Variants in PLEKHA5 observed in about 807,000 individuals in gnomAD.
PLEKHA5 encodes pleckstrin homology domain containing A5.
Under a neutral mutation model 181.9 loss-of-function variants are expected in PLEKHA5, and 55 were observed. The ratio of observed to expected loss-of-function variants is 0.30; its 90% CI spans 0.24 to 0.38. PLEKHA5 has a LOEUF of 0.38. Ranked by LOEUF, PLEKHA5 falls within the 10% of genes least tolerant of loss-of-function variation. PLEKHA5 has a pLI of 1.00. For synonymous variants in PLEKHA5, 535 were observed against 529.4 expected, an observed-to-expected ratio of 1.01 and a Z score of -0.15; for missense variants, 1,432 against 1,549.5, an observed-to-expected ratio of 0.92 and a Z score of 1.27.
chr12:19,316,071 A>G (rs563550757), intron 16 of PLEKHA5, among the ~76,000 whole-genome samples: 2 of 152,230 alleles, frequency 1.3e-5, no homozygotes, highest in South Asian at 4.1e-4. Flanking sequence ...CTCTATTCCA[A>G]AGTACCACAC....
intron 16 of PLEKHA5, 22 bp from the exon 17 acceptor site, chr12:19,319,999 C>A (rs2090200494): frequency 1.5e-6 from 2 of 1,351,100 alleles, no homozygotes; most frequent in South Asian, 1.3e-5. Context: ...TAAACCCATC[C>A]TTTTCCTTCA....
intron 15 of PLEKHA5, among the ~76,000 whole-genome samples, chr12:19,309,451 C>G (rs1157418174): frequency 6.6e-6 from 1 of 152,032 alleles, no homozygotes; most frequent in Non-Finnish European, 1.5e-5. Flanking sequence ...AATTGACCTT[C>G]ATATGCTTTT....
Position 19,348,775 on chromosome 12 carries a change from A to C in PLEKHA5, c.3019+256A>C, listed in dbSNP as rs1034346548. Among the ~76,000 whole-genome samples the C allele has an allele frequency of 3.9e-5, 6 of 152,110 alleles. No individual in the cohort carries two copies. In the East Asian group the frequency reaches 1.2e-3, roughly 29 times the overall value. ...TTTTAACACTATTTCTACAATATTC[A>C]TTCCAAGTGGCATAAATAAATGCTA... On this transcript the variant is annotated intron_variant, in intron 25 of 31. Coordinates refer to ENST00000429027, the MANE Select transcript of PLEKHA5 (RefSeq NM_001256470.2).
intron 15 of PLEKHA5, among the ~76,000 whole-genome samples, chr12:19,305,348 G>T (rs2082926034): frequency 6.6e-6 from 1 of 150,690 alleles, no homozygotes; most frequent in South Asian, 2.1e-4. Context: ...AGATCACAAG[G>T]TCGGGAGTTC....
intron 26 of PLEKHA5, among the ~76,000 whole-genome samples, chr12:19,355,520 T>C (rs34678884): frequency 0.081 from 12,272 of 151,508 alleles, 567 homozygotes; most frequent in African/African-American, 0.12. Context: ...CTCGGCTAAA[T>C]TTTTTTTTCT....
intron 25 of PLEKHA5, among the ~76,000 whole-genome samples, chr12:19,352,076 C>CA (rs1188985121): frequency 0.049 from 1,920 of 39,332 alleles, 80 homozygotes; most frequent in African/African-American, 0.13. Context: ...AACTCCATCT[C>CA]AAAAAAAAAA....
chr12:19,348,892 G>A (rs534787518), intron 25 of PLEKHA5, among the ~76,000 whole-genome samples: 1 of 152,168 alleles, frequency 6.6e-6, no homozygotes, highest in South Asian at 2.1e-4. Context: ...AACCCAGGAG[G>A]TGCAGGCTGC....
At chr12:19,364,739 G>A (rs2095370570) in intron 29 of PLEKHA5, among the ~76,000 whole-genome samples, 1 of 151,382 alleles carries the variant, frequency 6.6e-6, no homozygotes, top group African/African-American at 2.4e-5. Context: ...TTGGCTCACT[G>A]CAACCTCTGC....
chr12:19,172,439 A>G (rs1016401151), intron 3 of PLEKHA5, among the ~76,000 whole-genome samples: 1 of 152,170 alleles, frequency 6.6e-6, no homozygotes, highest in African/African-American at 2.4e-5. Context: ...AAAACTCACC[A>G]ATAAGAAAAC....
chr12:19,290,692 C>T lies in PLEKHA5; in HGVS notation c.1879C>T (p.Leu627=). The change falls in exon 14 of 32, where the codon CTG becomes TTG. Residue 627 remains leucine (L), a synonymous_variant. Coordinates refer to ENST00000429027, the MANE Select transcript of PLEKHA5 (RefSeq NM_001256470.2). ...ACTCCTTCAGCCAGAGGAGCTTACG[C>T]TGCTGCTAATAAAGCTGAGACGGCA... ...LQGKTPEELT[L]LLIKLRRQQA... 6.5e-7 allele frequency: 1 copy of T among 1,534,704 alleles called. No individual in the cohort carries two copies. The highest frequency in any genetic ancestry group is 8.7e-7 in the Non-Finnish European group (1 of 1,145,800).
chr12:19,227,260 GA>G (rs1431023899), intron 3 of PLEKHA5, among the ~76,000 whole-genome samples: 1 of 150,006 alleles, frequency 6.7e-6, no homozygotes, highest in Non-Finnish European at 1.5e-5. Flanking sequence ...CTATTGGAAA[GA>G]ATCCCAATTT....
chr12:19,279,530 G>A (rs986212626), intron 11 of PLEKHA5, among the ~76,000 whole-genome samples: 1 of 151,920 alleles, frequency 6.6e-6, no homozygotes, highest in Non-Finnish European at 1.5e-5. Flanking sequence ...GGGTGTAGCA[G>A]CAGGCACCTG....
At chr12:19,287,948 C>T (rs1411126600) in intron 13 of PLEKHA5, 7 of 226,476 alleles carry the variant, frequency 3.1e-5, no homozygotes, top group South Asian at 1.9e-4. Flanking sequence ...CATGGTGGTG[C>T]GTGCCTGTAA....
chr12:19,294,796 G>A (rs2079333349), intron 15 of PLEKHA5, among the ~76,000 whole-genome samples: 1 of 152,140 alleles, frequency 6.6e-6, no homozygotes, highest in Non-Finnish European at 1.5e-5. Flanking sequence ...CTGAAAGTCT[G>A]CAGATTTACA....
rs771102731 is a variant in PLEKHA5, at chr12:19,253,955, A to G, written c.243A>G (p.Lys81=). 3 of 1,601,194 alleles carry G rather than the reference A, an allele frequency of 1.9e-6. No homozygotes were observed. Among genetic ancestry groups the G allele is most frequent in the South Asian group, 2.2e-5 (2 of 88,992 alleles). The part of the protein sequence containing the change: ...ARYYINHNER[K]VTCKHPVTGQ... ...CTTTTTTCAGCCATAATGAAAGGAA[A>G]GTGACCTGCAAACATCCAGTCACAG... Residue 81 remains lysine, a synonymous_variant, in exon 4 of 32, where the codon AAA becomes AAG. Transcript: ENST00000429027.
chr12:19,260,981 C>T lies in PLEKHA5; in HGVS notation c.570C>T (p.Arg190=), dbSNP rs778794244. The T allele has an allele frequency of 6.2e-7, 1 of 1,600,760 alleles. No individual in the cohort carries two copies. Among genetic ancestry groups the T allele is most frequent in the Admixed American group, 1.7e-5 (1 of 59,912 alleles). ...DSTGMKLWKK[R]WFVLSDLCLF... ...CTGGCATGAAATTGTGGAAGAAACG[C>T]TGGTTTGTGCTTTCTGACCTTTGCC... Residue 190 remains arginine, a synonymous_variant, in exon 7 of 32, where the codon CGC becomes CGT. Transcript: ENST00000429027.
At chr12:19,316,544 A>G (rs2088824772) in intron 16 of PLEKHA5, among the ~76,000 whole-genome samples, 1 of 152,170 alleles carries the variant, frequency 6.6e-6, no homozygotes, top group Non-Finnish European at 1.5e-5. Context: ...GTGAAAGAAA[A>G]CTAAAATTGT....
At chr12:19,170,974 C>T (rs2045758649) in intron 3 of PLEKHA5, among the ~76,000 whole-genome samples, 1 of 152,174 alleles carries the variant, frequency 6.6e-6, no homozygotes, top group Non-Finnish European at 1.5e-5. Flanking sequence ...ACTAATAAGA[C>T]AATTGCAAGA....
chr12:19,322,424 G>T (rs1257295373), intron 19 of PLEKHA5, 34 bp downstream of exon 19: 1 of 1,572,840 alleles, frequency 6.4e-7, no homozygotes, highest in East Asian at 2.2e-5. Flanking sequence ...TACAATTGAT[G>T]TTACTTAATA....
Sources: allele counts gnomAD v4.1 joint callset (sites outside exome capture counted in the v4.1 genomes callset), GRCh38; gene constraint gnomAD v4.1.1; transcripts MANE v1.5; gene names NCBI Gene and HGNC (gene_info 2026-07-23, HGNC 2026-07-21).